BRD4: variants seen among roughly 807,000 people sequenced by gnomAD.
BRD4 encodes bromodomain containing 4, also known as bromodomain-containing protein 4.
BRD4 carries 16 observed loss-of-function variants against 142.1 expected under a neutral mutation model. The ratio of observed to expected loss-of-function variants is 0.11; its 90% confidence interval spans 0.08 to 0.17. BRD4 has a LOEUF of 0.17. BRD4 is among the 10% of genes least tolerant of loss of function. BRD4 has a pLI of 1.00. For missense variants in BRD4, 1,424 were observed against 1,810.9 expected (o/e 0.79, Z 3.88); for synonymous variants, 833 against 707.5 (o/e 1.18, Z -2.82).
intron 1 of BRD4, among the ~76,000 whole-genome samples, chr19:15,300,674 A>G (rs577948253): frequency 2.0e-5 from 3 of 152,246 alleles, no homozygotes; most frequent in East Asian, 3.9e-4. Flanking sequence ...GCACCTGGGA[A>G]GATGCTCCCC....
intron 1 of BRD4, among the ~76,000 whole-genome samples, chr19:15,294,591 AATCTCAATAT>A (rs2047808631): frequency 6.6e-6 from 1 of 152,216 alleles, no homozygotes; most frequent in Admixed American, 6.5e-5. Flanking sequence ...TTTTTGCAGA[AATCTCAATAT>A]ACCACAGGCA....
intron 1 of BRD4, among the ~76,000 whole-genome samples, chr19:15,321,151 T>C (rs1028629913): frequency 3.3e-5 from 5 of 151,796 alleles, no homozygotes; most frequent in African/African-American, 1.2e-4. Flanking sequence ...GGAGAATTGC[T>C]TGACCCAGGA....
intron 1 of BRD4, among the ~76,000 whole-genome samples, chr19:15,303,321 A>C (rs890312434): frequency 2.0e-5 from 3 of 152,182 alleles, no homozygotes; most frequent in African/African-American, 4.8e-5. Flanking sequence ...TTTTCATACT[A>C]ATGCTTCCTG....
chr19:15,257,443 AGGCAAGGAC>A, intron 7 of BRD4: 1 of 500,538 alleles, frequency 2.0e-6, no homozygotes, highest in Non-Finnish European at 3.6e-6. Context: ...GACACCGCCC[AGGCAAGGAC>A]ATGAGACCCA....
intron 11 of BRD4, chr19:15,253,878 G>T (rs1159911630): frequency 1.8e-6 from 2 of 1,114,676 alleles, no homozygotes; most frequent in East Asian, 5.1e-5. Context: ...CCAGGGCTCC[G>T]CAGTGTCAAC....
Position 15,308,557 on chromosome 19 carries a change from C to T in BRD4, c.-35+23733G>A, listed in dbSNP as rs868688242. Reference sequence around the variant, plus strand: ...AGCCAAGATTGCGCCACTGCACTCCCGCCTGGGCAACAGAGCGAGAGTCTA... The same window carrying T: ...AGCCAAGATTGCGCCACTGCACTCCTGCCTGGGCAACAGAGCGAGAGTCTA... On this transcript the variant is annotated intron_variant, in intron 1 of 19. Transcript: ENST00000679869. Among the ~76,000 whole-genome samples the T allele has an allele frequency of 1.2e-3, 172 of 145,878 alleles. 2 individuals are homozygous for T. Among genetic ancestry groups the T allele is most frequent in the African/African-American group, 3.3e-3 (131 of 39,180 alleles).
intron 1 of BRD4, among the ~76,000 whole-genome samples, chr19:15,330,401 C>G (rs1383220039): frequency 1.3e-5 from 2 of 152,142 alleles, no homozygotes; most frequent in Non-Finnish European, 2.9e-5. Context: ...TTATCTACAA[C>G]GCATCAGTGA....
At chr19:15,314,373 G>A (rs911796710) in intron 1 of BRD4, among the ~76,000 whole-genome samples, 2 of 152,136 alleles carry the variant, frequency 1.3e-5, no homozygotes, top group African/African-American at 2.4e-5. Context: ...TTCACTCTAG[G>A]ACACATTGTT....
intron 1 of BRD4, among the ~76,000 whole-genome samples, chr19:15,321,127 G>A (rs1046844741): frequency 3.0e-4 from 46 of 152,080 alleles, no homozygotes; most frequent in African/African-American, 9.4e-4. Context: ...CCAGCTACTC[G>A]GGAGGCTGAG....
intron 1 of BRD4, among the ~76,000 whole-genome samples, chr19:15,273,741 A>T (rs1455785177): frequency 1.3e-5 from 2 of 152,084 alleles, no homozygotes; most frequent in Non-Finnish European, 2.9e-5. Context: ...TAAATAATGC[A>T]GGTCTGCTGA....
At chr19:15,300,981 T>C (rs2047862370) in intron 1 of BRD4, among the ~76,000 whole-genome samples, 1 of 152,238 alleles carries the variant, frequency 6.6e-6, no homozygotes. Flanking sequence ...TGCATGTGAA[T>C]AGCTTTAGCA....
At chr19:15,254,474 G>A (rs1273750647) in intron 10 of BRD4, among the ~76,000 whole-genome samples, 2 of 152,154 alleles carry the variant, frequency 1.3e-5, no homozygotes, top group East Asian at 3.9e-4. Context: ...GGAATTTCAA[G>A]GTTCCTTCAA....
intron 7 of BRD4, among the ~76,000 whole-genome samples, chr19:15,260,735 C>A (rs2145586230): frequency 6.6e-6 from 1 of 151,370 alleles, no homozygotes; most frequent in East Asian, 1.9e-4. Flanking sequence ...TGACAGACAT[C>A]CAGTGGCCTT....
rs746013248 is a variant in BRD4 at position 15,253,497 on chromosome 19, TGTTA to T, written c.2158+651_2158+654del. On this transcript the variant is annotated intron_variant, in intron 11 of 19. Coordinates refer to ENST00000679869, the MANE Select transcript of BRD4 (RefSeq NM_001379291.1). ...CCCACGGGGCTTGAAAAGAAGGGACTGTTAGTTAGAACTGCAGGAGGGACACGCA... is the reference window on the plus strand; with the variant it reads ...CCCACGGGGCTTGAAAAGAAGGGACTGTTAGAACTGCAGGAGGGACACGCA... 3.8e-5 allele frequency: 56 copies of T among 1,468,812 alleles called. No homozygotes were observed. In the South Asian group the frequency reaches 4.5e-4, roughly 12 times the overall value. The allele number at this position is 1,468,812 out of a possible 1,614,324, so 91.0% of individuals were successfully genotyped here. A position where few individuals can be genotyped will look rare whatever the true frequency, so the allele number is the denominator to read the frequency against.
intron 1 of BRD4, among the ~76,000 whole-genome samples, chr19:15,316,587 A>G (rs1418822170): frequency 6.6e-6 from 1 of 152,120 alleles, no homozygotes; most frequent in Non-Finnish European, 1.5e-5. Context: ...GCCAAACTCC[A>G]TCTCAAAAAA....
Position 15,243,402 on chromosome 19 carries a change from G to C in BRD4, c.2667C>G (p.Ala889=), listed in dbSNP as rs1025682236. 1.9e-6 allele frequency: 3 copies of C among 1,552,588 alleles called. No individual in the cohort carries two copies. In the Admixed American group the frequency reaches 5.9e-5, roughly 30 times the overall value. ...ALPPKPARPP[A]VSPALTQTPL... ...GTGTTTGGGTCAAGGCTGGTGACAC[G>C]GCTGGGGGCCGGGCGGGCTTGGGAG... is the stretch of plus-strand genomic sequence containing the variant. Residue 889 remains alanine (A), a synonymous_variant, in exon 14 of 20, where the codon GCC becomes GCG. Coordinates refer to ENST00000679869, the MANE Select transcript of BRD4 (RefSeq NM_001379291.1).
chr19:15,322,296 G>A (rs1253279716), intron 1 of BRD4, among the ~76,000 whole-genome samples: 6 of 152,066 alleles, frequency 3.9e-5, no homozygotes, highest in East Asian at 1.9e-4. Flanking sequence ...TTCTGAGATG[G>A]AGTCTCGCTC....
chr19:15,264,314 C>T, intron 6 of BRD4, 90 bp downstream of exon 6: 1 of 1,486,066 alleles, frequency 6.7e-7, no homozygotes, highest in Non-Finnish European at 9.0e-7. Flanking sequence ...AGGGCCTGGG[C>T]TTCCTCTTGG....
intron 1 of BRD4, among the ~76,000 whole-genome samples, chr19:15,276,358 C>T (rs776660604): frequency 1.1e-4 from 17 of 152,148 alleles, no homozygotes; most frequent in Non-Finnish European, 1.9e-4. Context: ...CTTCCCACAG[C>T]GGTTCCCCCC....
Sources: gnomAD v4.1 joint callset for allele counts (sites outside exome capture counted in the v4.1 genomes callset) on GRCh38, gnomAD v4.1.1 for gene constraint, MANE v1.5 for transcripts, NCBI Gene and HGNC (gene_info 2026-07-23, HGNC 2026-07-21) for gene names.